Variants in TMEM255B observed in about 807,000 individuals in gnomAD.
TMEM255B encodes the protein transmembrane protein 255B, also known as family with sequence similarity 70, member B.
TMEM255B carries 35 observed loss-of-function variants against 34.5 expected under a neutral mutation model. The observed-to-expected ratio is 1.01, with a 90% CI of 0.77 to 1.34. TMEM255B has a LOEUF of 1.34. Ranked by LOEUF, TMEM255B falls within the 40% of genes most tolerant of loss-of-function variation. The pLI, the probability that TMEM255B is intolerant of heterozygous loss-of-function variation, is 0.00. For missense variants in TMEM255B, 432 were observed against 433.2 expected (o/e 1.00, Z 0.02); for synonymous variants, 206 against 201.2 (o/e 1.02, Z -0.20).
At chr13:113,766,389 C>G (rs1302810395) in intron 2 of TMEM255B, 132 bp downstream of exon 2, 1 of 1,321,818 alleles carries the variant, frequency 7.6e-7, no homozygotes, top group Admixed American at 1.8e-5. Context: ...TTGTGGTCGG[C>G]AGGGTTATGG....
chr13:113,812,910 CCCCGGGTGAGTCACGGGT>C lies in TMEM255B; in HGVS notation c.*1016_*1033del, dbSNP rs1566341757. ...TCACAGGCCCCGGGTGAGTCACAGG[CCCCGGGTGAGTCACGGGT>C]CCCGGGTGGGTCACGGGTCCCGGGT... On this transcript the variant is annotated 3_prime_UTR_variant, in exon 9 of 9. Transcript: ENST00000375353. 1.3e-3 allele frequency: 116 copies of C among 92,668 alleles called. 8 individuals are homozygous for C. The highest frequency in any genetic ancestry group is 0.01 in the South Asian group (28 of 2,766). The allele number at this position is 92,668 out of a possible 1,614,324, so 5.7% of individuals were successfully genotyped here.
chr13:113,792,001 C>G (rs2050841050), intron 3 of TMEM255B, among the ~76,000 whole-genome samples: 1 of 152,200 alleles, frequency 6.6e-6, no homozygotes, highest in Non-Finnish European at 1.5e-5. Context: ...AGGAACATCC[C>G]CCGGAACTGC....
At chr13:113,805,172 C>T in intron 8 of TMEM255B, 144 bp downstream of exon 8, 1 of 1,107,790 alleles carries the variant, frequency 9.0e-7, no homozygotes, top group Admixed American at 3.3e-5. Flanking sequence ...GCAGTGACAA[C>T]CCTGCCGTCA....
chr13:113,800,714 C>T (rs1267777893), intron 5 of TMEM255B, 113 bp from the exon 6 acceptor site: 3 of 976,856 alleles, frequency 3.1e-6, no homozygotes, highest in Non-Finnish European at 3.1e-6. Context: ...GAGGCAGCTG[C>T]TTGGCTGGGC....
At chr13:113,768,745 A>G in intron 2 of TMEM255B, 2 of 421,352 alleles carry the variant, frequency 4.7e-6, no homozygotes, top group South Asian at 3.5e-5. Context: ...GGGGCATCTC[A>G]GGCCTGGAGA....
intron 3 of TMEM255B, among the ~76,000 whole-genome samples, chr13:113,775,171 C>A (rs1269400110): frequency 2.6e-5 from 4 of 151,730 alleles, no homozygotes; most frequent in African/African-American, 9.7e-5. Flanking sequence ...ACAATGCACA[C>A]CACATACACT....
chr13:113,781,543 G>A (rs982007113), intron 3 of TMEM255B, among the ~76,000 whole-genome samples: 4 of 152,130 alleles, frequency 2.6e-5, no homozygotes, highest in Admixed American at 2.0e-4. Flanking sequence ...TTCACTTTTG[G>A]TGAAGACCTT....
In TMEM255B at chr13:113,807,851, C is replaced by T. The variant is rs116093202; in HGVS notation, c.813+2823C>T. On this transcript the variant is annotated intron_variant, in intron 8 of 8. Coordinates refer to ENST00000375353, the MANE Select transcript of TMEM255B (RefSeq NM_182614.4). Reference sequence around the variant, plus strand: ...GGGGGGTGGTCCTCCCCGTCACACGCGGGCTTACGGGACGTGGGGGGCACA... The same window carrying T: ...GGGGGGTGGTCCTCCCCGTCACACGTGGGCTTACGGGACGTGGGGGGCACA... Among the ~76,000 whole-genome samples the T allele has an allele frequency of 2.2e-4, 31 of 138,344 alleles. 1 individual carries two copies. The highest frequency in any genetic ancestry group is 5.4e-4 in the Admixed American group (7 of 13,004). The allele number at this position is 138,344 out of a possible 152,430, so 90.8% of individuals were successfully genotyped here. A position where few individuals can be genotyped will look rare whatever the true frequency, so the allele number is the denominator to read the frequency against.
intron 3 of TMEM255B, among the ~76,000 whole-genome samples, chr13:113,793,325 T>C (rs950195571): frequency 2.0e-5 from 3 of 152,250 alleles, no homozygotes; most frequent in Admixed American, 2.0e-4. Context: ...GTATGTATTT[T>C]GGAAGGGCAC....
At chr13:113,795,754 A>G (rs981140399) in intron 4 of TMEM255B, among the ~76,000 whole-genome samples, 1 of 142,918 alleles carries the variant, frequency 7.0e-6, no homozygotes, top group Non-Finnish European at 1.5e-5. Flanking sequence ...CACAGCACAC[A>G]CACAACAGAG....
Position 113,767,031 on chromosome 13 carries a change from C to T in TMEM255B, c.189+774C>T, listed in dbSNP as rs188526270. 2.7e-4 allele frequency among the ~76,000 whole-genome samples: 41 copies of T among 152,348 alleles called. No individual in the cohort carries two copies. The East Asian group carries it at 6.7e-3, about 25-fold the overall frequency. On this transcript the variant is annotated intron_variant, in intron 2 of 8. Coordinates refer to ENST00000375353, the MANE Select transcript of TMEM255B (RefSeq NM_182614.4). ...CTTGGATCAGCTGCGATGCCCTTCA[C>T]ATGCCCCAGAGCCTGGTTGCTACGT...
intron 1 of TMEM255B, among the ~76,000 whole-genome samples, chr13:113,759,696 A>G (rs926739168): frequency 6.6e-6 from 1 of 151,908 alleles, no homozygotes; most frequent in African/African-American, 2.4e-5. Flanking sequence ...CTCCTTCCCC[A>G]TCTCTTCCGT....
chr13:113,794,637 G>A (rs895146800), intron 3 of TMEM255B, among the ~76,000 whole-genome samples: 1 of 152,182 alleles, frequency 6.6e-6, no homozygotes, highest in East Asian at 1.9e-4. Context: ...TTATAGCAGA[G>A]TTTGTAGTGG....
chr13:113,799,400 A>G lies in TMEM255B; in HGVS notation c.404A>G (p.Tyr135Cys), dbSNP rs1363977347. ...QFYSSGVGYL[Y>C]DVYQTEVTCH... ...TACTCCAGTGGGGTGGGGTACTTGT[A>G]CGATGTCTACCAGACAGAGGTGAGC... The change falls in exon 5 of 9, where the codon TAC becomes TGC. Residue 135 changes from tyrosine (Y) to cysteine (C), a missense_variant. Transcript: ENST00000375353. The G allele has an allele frequency of 6.2e-7, 1 of 1,614,028 alleles. No homozygotes were observed. Among genetic ancestry groups the G allele is most frequent in the South Asian group, 1.1e-5 (1 of 91,076 alleles).
intron 3 of TMEM255B, among the ~76,000 whole-genome samples, chr13:113,782,175 ATC>A: frequency 6.6e-6 from 1 of 152,276 alleles, no homozygotes; most frequent in East Asian, 1.9e-4. Flanking sequence ...CTTTCTTTAT[ATC>A]TCTCTTATTT....
In TMEM255B at chr13:113,801,714, C is replaced by T. The variant is rs1039879167; in HGVS notation, c.571C>T (p.His191Tyr). Residue 191 changes from histidine to tyrosine, a missense_variant, in exon 7 of 9, where the codon CAC becomes TAC. Physicochemically the swap from His to Tyr is moderately conservative, Grantham distance 83 (BLOSUM62 2). Coordinates refer to ENST00000375353, the MANE Select transcript of TMEM255B (RefSeq NM_182614.4). ...IGVSGCQDVL[H>Y]LYRLLWASAV... is the part of the protein sequence containing the mutation. ...CGTCAGCGGCTGCCAGGACGTGCTG[C>T]ACCTGTACCGCCTGCTCTGGGCCTC... is the stretch of plus-strand genomic sequence containing the variant. 45 of 1,612,664 alleles carry T rather than the reference C, an allele frequency of 2.8e-5. No individual in the cohort carries two copies. Among genetic ancestry groups the T allele is most frequent in the Non-Finnish European group, 3.6e-5 (43 of 1,179,720 alleles).
intron 4 of TMEM255B, among the ~76,000 whole-genome samples, chr13:113,798,856 AGATGATT>A (rs2050990818): frequency 6.6e-6 from 1 of 152,114 alleles, no homozygotes; most frequent in Admixed American, 6.5e-5. Flanking sequence ...GTGGATGCAC[AGATGATT>A]GATTGGATGA....
chr13:113,762,572 G>A (rs1396851931), intron 1 of TMEM255B, among the ~76,000 whole-genome samples: 2 of 152,212 alleles, frequency 1.3e-5, no homozygotes, highest in Non-Finnish European at 2.9e-5. Flanking sequence ...TGGTTTGTAG[G>A]AGGATTTACG....
At chr13:113,805,865 C>T (rs558782940) in intron 8 of TMEM255B, among the ~76,000 whole-genome samples, 2 of 152,326 alleles carry the variant, frequency 1.3e-5, no homozygotes, top group Non-Finnish European at 2.9e-5. Flanking sequence ...GAGGCACTGC[C>T]CACATGCCCG....
Sources: allele counts gnomAD v4.1 joint callset (sites outside exome capture counted in the v4.1 genomes callset), GRCh38; gene constraint gnomAD v4.1.1; transcripts MANE v1.5; gene names NCBI Gene and HGNC (gene_info 2026-07-23, HGNC 2026-07-21).